The following RALGAPA2 variants were observed in gnomAD, a reference collection of about 807,000 sequenced individuals.
RALGAPA2 encodes ral GTPase-activating protein subunit alpha-2.
Under a neutral mutation model 230.4 loss-of-function variants are expected in RALGAPA2, and 139 were observed. That is an observed-to-expected ratio of 0.60 (90% CI 0.53 to 0.69). RALGAPA2 has a LOEUF of 0.69. Among genes scored for constraint, RALGAPA2 ranks in the 30% least tolerant of loss-of-function variants. The probability of loss-of-function intolerance (pLI) is 0.00; values close to 1 mark genes in which losing one functional copy is unlikely to be tolerated. For synonymous variants in RALGAPA2, 847 were observed against 837.8 expected, an observed-to-expected ratio of 1.01 and a Z score of -0.19; for missense variants, 2,163 against 2,276.0, an observed-to-expected ratio of 0.95 and a Z score of 1.01.
chr20:20,461,374 T>A (rs1250590801), intron 37 of RALGAPA2, among the ~76,000 whole-genome samples: 1 of 152,218 alleles, frequency 6.6e-6, no homozygotes, highest in Non-Finnish European at 1.5e-5. Context: ...GGAGTATAAA[T>A]TCAATTTAAC....
chr20:20,661,831 C>G (rs962312969), intron 3 of RALGAPA2, among the ~76,000 whole-genome samples: 3 of 151,944 alleles, frequency 2.0e-5, no homozygotes, highest in Non-Finnish European at 2.9e-5. Context: ...ATATTAATAT[C>G]AAGTAAAAAA....
chr20:20,420,767 C>T (rs1388678297), intron 37 of RALGAPA2, among the ~76,000 whole-genome samples: 3 of 152,090 alleles, frequency 2.0e-5, no homozygotes, highest in African/African-American at 7.2e-5. Context: ...AGGAATAGTA[C>T]CCTGTTTCGA....
chr20:20,532,952 T>A (rs2063404594), intron 26 of RALGAPA2, among the ~76,000 whole-genome samples: 1 of 150,526 alleles, frequency 6.6e-6, no homozygotes, highest in Non-Finnish European at 1.5e-5. Context: ...CATGTTCAAA[T>A]ACCTAGTAGA....
intron 23 of RALGAPA2, among the ~76,000 whole-genome samples, chr20:20,550,982 C>T (rs890482654): frequency 6.6e-6 from 1 of 152,162 alleles, no homozygotes; most frequent in South Asian, 2.1e-4. Flanking sequence ...AGGTGGCACA[C>T]AAACAAGCCT....
At chr20:20,428,580 G>C (rs1176268837) in intron 37 of RALGAPA2, among the ~76,000 whole-genome samples, 1 of 152,180 alleles carries the variant, frequency 6.6e-6, no homozygotes, top group African/African-American at 2.4e-5. Context: ...CAATTCATAT[G>C]TGAGGCAGAA....
rs145059829 is a variant in RALGAPA2, at chr20:20,626,908, A to G, written c.1233+2455T>C. Among the ~76,000 whole-genome samples the G allele has an allele frequency of 1.7e-4, 26 of 152,284 alleles. No individual in the cohort carries two copies. The East Asian group carries it at 4.6e-3, about 27-fold the overall frequency. ...ACGATCCACGAGGCCTAAAATATTT[A>G]CTAGTTGGCCTTTTGCTTTAAAAAG... On this transcript the variant is annotated intron_variant, in intron 10 of 39. Transcript: ENST00000202677.
chr20:20,438,857 T>C (rs889149469), intron 37 of RALGAPA2, among the ~76,000 whole-genome samples: 1 of 152,208 alleles, frequency 6.6e-6, no homozygotes, highest in African/African-American at 2.4e-5. Flanking sequence ...TTATGCAAAA[T>C]GGAGGCTGAG....
At chr20:20,486,149 A>G (rs1188445797) in intron 36 of RALGAPA2, among the ~76,000 whole-genome samples, 1 of 152,108 alleles carries the variant, frequency 6.6e-6, no homozygotes, top group African/African-American at 2.4e-5. Flanking sequence ...CAAAAAAAGA[A>G]TAAAAAAAAC....
intron 3 of RALGAPA2, among the ~76,000 whole-genome samples, chr20:20,672,285 C>A (rs982880439): frequency 1.3e-5 from 2 of 152,014 alleles, no homozygotes; most frequent in South Asian, 4.2e-4. Context: ...AATCAAATAT[C>A]ACAAAATATG....
Position 20,637,436 on chromosome 20 carries a change from C to T in RALGAPA2, c.732G>A (p.Leu244=), listed in dbSNP as rs755677381. 2.5e-6 allele frequency: 4 copies of T among 1,576,978 alleles called. No homozygotes were observed. The highest frequency in any genetic ancestry group is 1.3e-5 in the African/African-American group (1 of 74,234). ...QDTGFKFLFT[L]FRKYYLPHLF... ...AATGAGGAAGATAATACTTTCGAAACAATGTAAAAAGAAATTTAAAACCAG... is the reference window on the plus strand; with the variant it reads ...AATGAGGAAGATAATACTTTCGAAATAATGTAAAAAGAAATTTAAAACCAG... Residue 244 remains leucine, a synonymous_variant, in exon 8 of 40, where the codon TTG becomes TTA. Transcript: ENST00000202677.
intron 31 of RALGAPA2, among the ~76,000 whole-genome samples, chr20:20,516,436 A>G (rs1240746534): frequency 6.6e-6 from 1 of 152,224 alleles, no homozygotes; most frequent in African/African-American, 2.4e-5. Flanking sequence ...AGCCCACTAC[A>G]GCATCTACAG....
At chr20:20,409,104 C>A (rs577843121) in intron 38 of RALGAPA2, among the ~76,000 whole-genome samples, 495 of 152,356 alleles carry the variant, frequency 3.2e-3, no homozygotes, top group Non-Finnish European at 5.8e-3. Flanking sequence ...GTTCACCTGG[C>A]CAACCCACCC....
At chr20:20,531,089 C>T (rs1462544974) in intron 27 of RALGAPA2, among the ~76,000 whole-genome samples, 2 of 152,124 alleles carry the variant, frequency 1.3e-5, no homozygotes, top group Non-Finnish European at 2.9e-5. Context: ...TGTGTGGCCT[C>T]GGGCTTGTGA....
In RALGAPA2 at chr20:20,412,030, T is replaced by C; in HGVS notation, c.5614A>G (p.Thr1872Ala). The change falls in exon 38 of 40, where the codon ACG becomes GCG. Residue 1872 changes from threonine (T) to alanine (A), a missense_variant. By Grantham distance (58) the Thr-to-Ala change is moderately conservative. Coordinates refer to ENST00000202677, the MANE Select transcript of RALGAPA2 (RefSeq NM_020343.4). ...SPSPSYSLSG[T>A]D ...GAAGAATAATGTAGACACTCACCCG[T>C]TCCGCTGAGGGAGTAGCTGGGAGAG... is the stretch of plus-strand genomic sequence containing the variant. 7 of 1,613,972 alleles carry C rather than the reference T, an allele frequency of 4.3e-6. No individual in the cohort carries two copies. Among genetic ancestry groups the C allele is most frequent in the Non-Finnish European group, 5.1e-6 (6 of 1,179,824 alleles).
intron 37 of RALGAPA2, among the ~76,000 whole-genome samples, chr20:20,416,684 C>T: frequency 6.6e-6 from 1 of 152,206 alleles, no homozygotes; most frequent in Non-Finnish European, 1.5e-5. Context: ...AACAAAACAA[C>T]AATTATTCCA....
intron 23 of RALGAPA2, among the ~76,000 whole-genome samples, chr20:20,569,959 G>A (rs1318349885): frequency 1.3e-5 from 2 of 152,090 alleles, no homozygotes; most frequent in Non-Finnish European, 2.9e-5. Context: ...CACTGAAGGA[G>A]TTCATTATTA....
intron 1 of RALGAPA2, among the ~76,000 whole-genome samples, chr20:20,684,074 A>G (rs1389439547): frequency 6.6e-6 from 1 of 152,228 alleles, no homozygotes; most frequent in Non-Finnish European, 1.5e-5. Context: ...TGCGAACCTC[A>G]GCAAGACTTC....
chr20:20,503,467 G>T lies in RALGAPA2; in HGVS notation c.5092C>A (p.Gln1698Lys). The change falls in exon 35 of 40, where the codon CAG becomes AAG. Residue 1698 changes from glutamine (Q) to lysine (K), a missense_variant. Physicochemically the swap from Gln to Lys is moderately conservative, Grantham distance 53. Coordinates refer to ENST00000202677, the MANE Select transcript of RALGAPA2 (RefSeq NM_020343.4). ...STHCGFMGGL[Q>K]RNGSTGQTAP... is the part of the protein sequence containing the mutation. ...GTCTGCCCGGTGCTGCCATTGCGCT[G>T]AAGGCCACCCATGAACCCACAGTGG... 1 of 1,604,084 alleles carries T rather than the reference G, an allele frequency of 6.2e-7. No individual in the cohort carries two copies. The highest frequency in any genetic ancestry group is 8.5e-7 in the Non-Finnish European group (1 of 1,175,578).
chr20:20,686,218 T>A (rs931883477), intron 1 of RALGAPA2, among the ~76,000 whole-genome samples: 1 of 152,138 alleles, frequency 6.6e-6, no homozygotes, highest in Non-Finnish European at 1.5e-5. Context: ...GGACAAGTTA[T>A]TTAAACACTC....
Sources: gnomAD v4.1 joint callset for allele counts (sites outside exome capture counted in the v4.1 genomes callset) on GRCh38, gnomAD v4.1.1 for gene constraint, MANE v1.5 for transcripts, NCBI Gene and HGNC (gene_info 2026-07-23, HGNC 2026-07-21) for gene names.